EPHA7: variants seen among roughly 807,000 people sequenced by gnomAD.
EPHA7 encodes EPH receptor A7, also known as ephrin type-A receptor 7.
Under a neutral mutation model 112.6 loss-of-function variants are expected in EPHA7, and 25 were observed. That is an observed-to-expected ratio of 0.22 (90% CI 0.16 to 0.31). The LOEUF is 0.31. Ranked by LOEUF, EPHA7 falls within the 10% of genes least tolerant of loss-of-function variation. The pLI, the probability that EPHA7 is intolerant of heterozygous loss-of-function variation, is 1.00. For synonymous variants in EPHA7, 437 were observed against 406.5 expected, an observed-to-expected ratio of 1.07 and a Z score of -0.90; for missense variants, 962 against 1,212.6, an observed-to-expected ratio of 0.79 and a Z score of 3.07.
chr6:93,269,729 C>G, intron 6 of EPHA7, 69 bp from the exon 7 acceptor site: 3 of 1,212,390 alleles, frequency 2.5e-6, no homozygotes, highest in Non-Finnish European at 3.4e-6. Flanking sequence ...CCAACTGTTT[C>G]AATTTAATTC....
chr6:93,376,426 T>A (rs1777062335), intron 3 of EPHA7, among the ~76,000 whole-genome samples: 1 of 152,080 alleles, frequency 6.6e-6, no homozygotes, highest in African/African-American at 2.4e-5. Flanking sequence ...CAGGCATAAG[T>A]CACCACGCCT....
chr6:93,329,239 G>A (rs998201951), intron 5 of EPHA7, among the ~76,000 whole-genome samples: 19 of 151,384 alleles, frequency 1.3e-4, no homozygotes, highest in African/African-American at 3.6e-4. Flanking sequence ...TAACTGCAGA[G>A]TATGACCTAC....
intron 3 of EPHA7, among the ~76,000 whole-genome samples, chr6:93,397,027 GAAC>G (rs1329719509): frequency 1.3e-5 from 2 of 151,262 alleles, no homozygotes; most frequent in Admixed American, 1.3e-4. Flanking sequence ...TTAAAATTGA[GAAC>G]ATTATCAAAT....
At chr6:93,323,266 C>A (rs1774166578) in intron 5 of EPHA7, among the ~76,000 whole-genome samples, 2 of 151,544 alleles carry the variant, frequency 1.3e-5, no homozygotes, top group South Asian at 4.1e-4. Context: ...GCTAAGCTGG[C>A]CTTTTATCCA....
rs760111731 is a variant in EPHA7 at position 93,358,370 on chromosome 6, G to C, written c.874C>G (p.Gln292Glu). The change falls in exon 4 of 17, where the codon CAG (glutamine) becomes GAG (glutamate). Residue 292 changes from glutamine to glutamate, a missense_variant. Physicochemically the swap from Gln to Glu is conservative, Grantham distance 29. Coordinates refer to ENST00000369303, the MANE Select transcript of EPHA7 (RefSeq NM_004440.4). ...GFYKSSSQDL[Q>E]CSRCPTHSFS... The stretch of plus-strand genomic sequence containing the variant: ...CTGTGAGTTGGACAACGAGAGCACT[G>C]AAGATCTTGAGAGGAAGACTTGTAG... 14 of 1,612,630 alleles carry C rather than the reference G, an allele frequency of 8.7e-6. No homozygotes were observed. Among genetic ancestry groups the C allele is most frequent in the African/African-American group, 1.3e-5 (1 of 74,950 alleles).
At chr6:93,255,324 GACA>G (rs1473576993) in intron 13 of EPHA7, among the ~76,000 whole-genome samples, 1 of 149,850 alleles carries the variant, frequency 6.7e-6, no homozygotes, top group Non-Finnish European at 1.5e-5. Context: ...CTCCAGCCTG[GACA>G]ACAAGAACAA....
chr6:93,310,815 G>T (rs866918743), intron 5 of EPHA7, among the ~76,000 whole-genome samples: 1 of 152,138 alleles, frequency 6.6e-6, no homozygotes, highest in African/African-American at 2.4e-5. Context: ...TTTTGCTGAT[G>T]AGGGGGTTTG....
At chr6:93,378,778 A>G (rs1258015173) in intron 3 of EPHA7, among the ~76,000 whole-genome samples, 2 of 152,124 alleles carry the variant, frequency 1.3e-5, no homozygotes, top group South Asian at 4.1e-4. Flanking sequence ...AAATAGGCTT[A>G]GAACCCAGTC....
intron 3 of EPHA7, among the ~76,000 whole-genome samples, chr6:93,379,141 T>C (rs189273112): frequency 2.2e-3 from 335 of 152,158 alleles, no homozygotes; most frequent in Non-Finnish European, 3.6e-3. Flanking sequence ...CATGGGATAG[T>C]TGGCACTATG....
At position 93,356,954 on chromosome 6, in the gene EPHA7, C is replaced by T. The variant is rs774694250; in HGVS notation, c.1087G>A (p.Val363Met). Residue 363 changes from valine to methionine, a missense_variant, in exon 5 of 17, where the codon GTG becomes ATG. By Grantham distance (21) the Val-to-Met change is conservative. Coordinates refer to ENST00000369303, the MANE Select transcript of EPHA7 (RefSeq NM_004440.4). ...CGCTTACACAATATTCTGTAGGTCA[C>T]ATCGTTTCTTCCCCCATTGTCTGCA... ...PPADNGGRNDVTYRILCKRCS... is the reference protein window; with the variant it reads ...PPADNGGRNDMTYRILCKRCS... The T allele has an allele frequency of 5.6e-6, 9 of 1,614,200 alleles. No individual in the cohort carries two copies. Among genetic ancestry groups the T allele is most frequent in the Non-Finnish European group, 7.6e-6 (9 of 1,180,030 alleles).
intron 5 of EPHA7, among the ~76,000 whole-genome samples, chr6:93,280,402 A>G (rs565316333): frequency 6.6e-6 from 1 of 152,212 alleles, no homozygotes; most frequent in African/African-American, 2.4e-5. Flanking sequence ...GATTGGGCAC[A>G]CATTTTTCTG....
chr6:93,365,353 A>G (rs753017435), intron 3 of EPHA7, among the ~76,000 whole-genome samples: 18 of 152,188 alleles, frequency 1.2e-4, no homozygotes, highest in Non-Finnish European at 1.8e-4. Context: ...GAATGCTGTT[A>G]TTTTATTTAT....
intron 5 of EPHA7, among the ~76,000 whole-genome samples, chr6:93,335,448 C>T (rs1021462068): frequency 6.6e-6 from 1 of 151,724 alleles, no homozygotes; most frequent in Non-Finnish European, 1.5e-5. Context: ...TATTATAATT[C>T]CAAAGGATTT....
At chr6:93,281,073 C>T (rs925889381) in intron 5 of EPHA7, among the ~76,000 whole-genome samples, 5 of 152,092 alleles carry the variant, frequency 3.3e-5, no homozygotes, top group Non-Finnish European at 7.4e-5. Context: ...TTTTTGAAAT[C>T]ACATTGATAA....
intron 14 of EPHA7, among the ~76,000 whole-genome samples, chr6:93,251,069 C>T (rs891055517): frequency 1.3e-5 from 2 of 152,058 alleles, no homozygotes; most frequent in African/African-American, 4.8e-5. Flanking sequence ...GGCTTCTGTC[C>T]TCTGCTCAAT....
At chr6:93,406,308 G>A (rs1778718883) in intron 3 of EPHA7, among the ~76,000 whole-genome samples, 7 of 151,198 alleles carry the variant, frequency 4.6e-5, no homozygotes, top group Admixed American at 4.6e-4. Flanking sequence ...CAAATGAGAA[G>A]AATTTTTTAC....
intron 5 of EPHA7, among the ~76,000 whole-genome samples, chr6:93,342,564 A>T (rs1289480923): frequency 6.6e-6 from 1 of 151,814 alleles, no homozygotes; most frequent in Non-Finnish European, 1.5e-5. Context: ...TATAAATTAG[A>T]TAAATAGAAT....
At chr6:93,331,452 C>CAA (rs35947900) in intron 5 of EPHA7, among the ~76,000 whole-genome samples, 8,513 of 145,662 alleles carry the variant, frequency 0.058, 282 homozygotes, top group African/African-American at 0.099. Context: ...CAGAAAAATA[C>CAA]AAAAAAAAAA....
At chr6:93,320,448 C>T (rs1774012480) in intron 5 of EPHA7, among the ~76,000 whole-genome samples, 1 of 152,020 alleles carries the variant, frequency 6.6e-6, no homozygotes, top group South Asian at 2.1e-4. Flanking sequence ...ATATGCTTTG[C>T]TATTTTAAAA....
Sources: allele counts gnomAD v4.1 joint callset (sites outside exome capture counted in the v4.1 genomes callset), GRCh38; gene constraint gnomAD v4.1.1; transcripts MANE v1.5; gene names NCBI Gene and HGNC (gene_info 2026-07-23, HGNC 2026-07-21).